COL14A1: variants seen among roughly 807,000 people sequenced by gnomAD.
COL14A1 encodes collagen type XIV alpha 1 chain, also known as collagen alpha-1(XIV) chain.
COL14A1 carries 136 observed loss-of-function variants against 230.3 expected under a neutral mutation model. The observed-to-expected ratio is 0.59, with a 90% CI of 0.51 to 0.68. The LOEUF (loss-of-function observed/expected upper bound fraction) is 0.68, where lower values mean the gene tolerates loss of function less well. Ranked by LOEUF, COL14A1 falls within the 30% of genes least tolerant of loss-of-function variation. The pLI, the probability that COL14A1 is intolerant of heterozygous loss-of-function variation, is 0.00. For synonymous variants in COL14A1, 792 were observed against 784.1 expected (o/e 1.01, Z -0.17); for missense variants, 1,976 against 2,215.8 (o/e 0.89, Z 2.17).
intron 5 of COL14A1, among the ~76,000 whole-genome samples, chr8:120,194,055 A>C (rs1432441823): frequency 6.6e-6 from 1 of 152,132 alleles, no homozygotes; most frequent in African/African-American, 2.4e-5. Flanking sequence ...CGCTGCACCC[A>C]CTGTCCTGTG....
chr8:120,268,732 C>T (rs1445939321), intron 25 of COL14A1, among the ~76,000 whole-genome samples: 1 of 151,684 alleles, frequency 6.6e-6, no homozygotes, highest in Non-Finnish European at 1.5e-5. Flanking sequence ...AAAAACACAG[C>T]TTTCTACCCC....
At chr8:120,214,338 A>C (rs959533359) in intron 13 of COL14A1, among the ~76,000 whole-genome samples, 1 of 152,206 alleles carries the variant, frequency 6.6e-6, no homozygotes, top group Non-Finnish European at 1.5e-5. Context: ...ATTCTAATGT[A>C]AGAATTTAAT....
intron 5 of COL14A1, among the ~76,000 whole-genome samples, chr8:120,178,901 T>C (rs1816373730): frequency 6.6e-6 from 1 of 152,172 alleles, no homozygotes. Context: ...GTTTATATCC[T>C]TCTCCCACTT....
intron 5 of COL14A1, among the ~76,000 whole-genome samples, chr8:120,169,403 T>TG (rs1816028187): frequency 1.3e-5 from 2 of 152,196 alleles, no homozygotes; most frequent in East Asian, 3.8e-4. Flanking sequence ...TCCTTAATAT[T>TG]GAAAAAATTC....
At chr8:120,319,327 T>A (rs1011935144) in intron 40 of COL14A1, among the ~76,000 whole-genome samples, 1 of 151,632 alleles carries the variant, frequency 6.6e-6, no homozygotes, top group Non-Finnish European at 1.5e-5. Context: ...TGGCTAATTT[T>A]TTTATTTTAT....
At position 120,316,113 on chromosome 8, in the gene COL14A1, C is replaced by A. The variant is rs1821221247; in HGVS notation, c.4659+116C>A. The stretch of plus-strand genomic sequence containing the variant: ...CAAGCCAGTTTTTGCTTTTTGTTTT[C>A]TCCTGTTTATGTATTTTCCACCTAT... On this transcript the variant is annotated intron_variant, in intron 40 of 47. Coordinates refer to ENST00000297848, the MANE Select transcript of COL14A1 (RefSeq NM_021110.4). The A allele has an allele frequency of 3.2e-6, 3 of 930,342 alleles. No individual in the cohort carries two copies. In the Admixed American group the frequency reaches 6.2e-5, roughly 19 times the overall value. 57.6% of individuals were successfully genotyped at this position (930,342 alleles called of 1,614,324 possible).
intron 37 of COL14A1, among the ~76,000 whole-genome samples, chr8:120,311,706 T>C (rs1282838576): frequency 6.6e-6 from 1 of 152,300 alleles, no homozygotes; most frequent in Non-Finnish European, 1.5e-5. Flanking sequence ...AACCTCTTGT[T>C]GGTCTCTCCT....
chr8:120,152,258 G>A (rs186482072), intron 2 of COL14A1, among the ~76,000 whole-genome samples: 2,863 of 151,822 alleles, frequency 0.019, 33 homozygotes, highest in Non-Finnish European at 0.031. Flanking sequence ...TCAGGAAATC[G>A]AGACCATCCT....
intron 32 of COL14A1, among the ~76,000 whole-genome samples, chr8:120,284,983 G>C (rs1820149731): frequency 6.6e-6 from 1 of 152,000 alleles, no homozygotes; most frequent in Admixed American, 6.6e-5. Flanking sequence ...ATTTCAGCTG[G>C]AGTGAGAATC....
chr8:120,223,475 G>GC (rs1167900068), intron 14 of COL14A1, among the ~76,000 whole-genome samples: 1 of 152,056 alleles, frequency 6.6e-6, no homozygotes, highest in Admixed American at 6.6e-5. Context: ...TTTGAGACCA[G>GC]CCTGGCCAAC....
intron 4 of COL14A1, among the ~76,000 whole-genome samples, chr8:120,166,145 C>A (rs1815864586): frequency 6.6e-6 from 1 of 152,134 alleles, no homozygotes; most frequent in South Asian, 2.1e-4. Context: ...ATAAGAGTAA[C>A]TCCCGAGTAG....
Position 120,255,224 on chromosome 8 carries a change from T to G in COL14A1, c.2753-16T>G. On this transcript the variant is annotated splice_polypyrimidine_tract_variant and intron_variant, in intron 22 of 47. Coordinates refer to ENST00000297848, the MANE Select transcript of COL14A1 (RefSeq NM_021110.4). ...TGTCTGCGGTGTGATACAGTTATGTTTCTATTTCATTCCAGTGTTCTTGGG... is the reference window on the plus strand; with the variant it reads ...TGTCTGCGGTGTGATACAGTTATGTGTCTATTTCATTCCAGTGTTCTTGGG... 1 of 1,591,694 alleles carries G rather than the reference T, an allele frequency of 6.3e-7. No homozygotes were observed.
At chr8:120,218,920 C>T (rs753062023) in intron 14 of COL14A1, among the ~76,000 whole-genome samples, 4 of 151,962 alleles carry the variant, frequency 2.6e-5, no homozygotes, top group South Asian at 2.1e-4. Flanking sequence ...CATTGAACAA[C>T]GAAAGTAACA....
chr8:120,262,366 A>G (rs1819359695), intron 23 of COL14A1, among the ~76,000 whole-genome samples: 2 of 151,964 alleles, frequency 1.3e-5, no homozygotes, highest in African/African-American at 4.8e-5. Context: ...CCAGCTACTC[A>G]GGAGGCTGAG....
chr8:120,279,400 C>G (rs1819965969), intron 28 of COL14A1, among the ~76,000 whole-genome samples: 1 of 151,832 alleles, frequency 6.6e-6, no homozygotes, highest in Non-Finnish European at 1.5e-5. Flanking sequence ...ATTCCTCAGC[C>G]TCTTAATCTG....
chr8:120,340,584 A>C lies in COL14A1; in HGVS notation c.4786-741A>C, dbSNP rs76966509. ...TGAACATTGCCTCAGAGTTGAAACAAAATATGAAATCCTTCTGAAGACACG... is the reference window on the plus strand; with the variant it reads ...TGAACATTGCCTCAGAGTTGAAACACAATATGAAATCCTTCTGAAGACACG... On this transcript the variant is annotated intron_variant, in intron 42 of 47. Coordinates refer to ENST00000297848, the MANE Select transcript of COL14A1 (RefSeq NM_021110.4). 7.3e-3 allele frequency among the ~76,000 whole-genome samples: 1,106 copies of C among 152,348 alleles called. 12 individuals are homozygous for C. Among genetic ancestry groups the C allele is most frequent in the African/African-American group, 0.026 (1,067 of 41,584 alleles).
rs767135313 is a variant in COL14A1, at chr8:120,367,153, A to T, written c.5078-18A>T. ...TTTAAAAAGAACTTTAAACATTTTT[A>T]AAAATTATTTTAAACAGGTCTAACT... On this transcript the variant is annotated intron_variant, in intron 45 of 47. Transcript: ENST00000297848. 12 of 1,556,678 alleles carry T rather than the reference A, an allele frequency of 7.7e-6. No individual in the cohort carries two copies. The highest frequency in any genetic ancestry group is 2.3e-5 in the East Asian group (1 of 43,560).
intron 45 of COL14A1, among the ~76,000 whole-genome samples, chr8:120,347,372 A>C (rs901768827): frequency 1.3e-5 from 2 of 152,224 alleles, no homozygotes; most frequent in African/African-American, 2.4e-5. Flanking sequence ...AAAAGATGAC[A>C]GTAAGACAGA....
chr8:120,251,876 A>G (rs1818974441), intron 22 of COL14A1, among the ~76,000 whole-genome samples: 2 of 152,122 alleles, frequency 1.3e-5, no homozygotes. Context: ...GAATTTTATA[A>G]CAATGTATAA....
Sources: gnomAD v4.1 joint callset for allele counts (sites outside exome capture counted in the v4.1 genomes callset) on GRCh38, gnomAD v4.1.1 for gene constraint, MANE v1.5 for transcripts, NCBI Gene and HGNC (gene_info 2026-07-23, HGNC 2026-07-21) for gene names.